LRRC4C: variants seen among roughly 807,000 people sequenced by gnomAD.
LRRC4C encodes the protein leucine rich repeat containing 4C, also known as leucine-rich repeat-containing protein 4C.
A neutral mutation model predicts 33.6 loss-of-function variants in LRRC4C; 5 were observed. The observed-to-expected ratio is 0.15, with a 90% confidence interval of 0.08 to 0.31. LRRC4C has a LOEUF of 0.31. LRRC4C is among the 10% of genes least tolerant of loss of function. The pLI is 1.00. For missense variants in LRRC4C, 560 were observed against 796.7 expected (o/e 0.70, Z 3.58); for synonymous variants, 329 against 302.0 (o/e 1.09, Z -0.93).
chr11:40,161,326 A>G (rs552586044), intron 5 of LRRC4C, among the ~76,000 whole-genome samples: 2 of 152,334 alleles, frequency 1.3e-5, no homozygotes, highest in African/African-American at 2.4e-5. Flanking sequence ...TTTACTTGAG[A>G]CTAGGCCTCC....
intron 1 of LRRC4C, among the ~76,000 whole-genome samples, chr11:41,018,915 A>T (rs1233721559): frequency 6.6e-6 from 1 of 152,090 alleles, no homozygotes; most frequent in Non-Finnish European, 1.5e-5. Flanking sequence ...ATGCTGTAAA[A>T]TTTACCCTTT....
chr11:40,190,862 G>A (rs529309174), intron 5 of LRRC4C, among the ~76,000 whole-genome samples: 5 of 152,222 alleles, frequency 3.3e-5, no homozygotes, highest in East Asian at 1.9e-4. Flanking sequence ...TTTTCTCAAC[G>A]CATTTTCAAA....
At chr11:41,210,821 A>G (rs1372130130) in intron 1 of LRRC4C, among the ~76,000 whole-genome samples, 2 of 152,098 alleles carry the variant, frequency 1.3e-5, no homozygotes, top group African/African-American at 4.8e-5. Flanking sequence ...GGTACCAGGG[A>G]CTGATTTCAG....
At chr11:40,975,031 C>T (rs905105699) in intron 1 of LRRC4C, among the ~76,000 whole-genome samples, 1 of 152,196 alleles carries the variant, frequency 6.6e-6, no homozygotes, top group African/African-American at 2.4e-5. Context: ...CTCCAGCCTG[C>T]AGATGTCCTG....
chr11:40,147,005 A>G (rs961304142), intron 5 of LRRC4C, among the ~76,000 whole-genome samples: 1 of 152,202 alleles, frequency 6.6e-6, no homozygotes, highest in African/African-American at 2.4e-5. Context: ...GGAAGGACCT[A>G]GTCTCCTAGA....
intron 3 of LRRC4C, among the ~76,000 whole-genome samples, chr11:40,609,750 C>A (rs4345953): frequency 2.0e-5 from 3 of 151,862 alleles, no homozygotes; most frequent in Admixed American, 1.3e-4. Context: ...AAGATTATAA[C>A]AGTTTACTAT....
chr11:41,368,692 A>C (rs1468314263), intron 1 of LRRC4C, among the ~76,000 whole-genome samples: 1 of 152,232 alleles, frequency 6.6e-6, no homozygotes, highest in Non-Finnish European at 1.5e-5. Context: ...TAGACAGTTC[A>C]TTCAAAATGT....
At chr11:40,931,725 T>A (rs1194835683) in intron 2 of LRRC4C, among the ~76,000 whole-genome samples, 1 of 152,150 alleles carries the variant, frequency 6.6e-6, no homozygotes, top group African/African-American at 2.4e-5. Context: ...AGTGATTATA[T>A]ATAGTTATGA....
intron 1 of LRRC4C, among the ~76,000 whole-genome samples, chr11:41,112,965 T>C (rs572646213): frequency 7.2e-4 from 109 of 152,190 alleles, no homozygotes; most frequent in African/African-American, 2.5e-3. Context: ...TTAGCGTATA[T>C]TGGGTTAAAG....
intron 1 of LRRC4C, among the ~76,000 whole-genome samples, chr11:40,938,834 G>T (rs10768652): frequency 0.28 from 42,944 of 151,986 alleles, 6,170 homozygotes; most frequent in East Asian, 0.34. Flanking sequence ...TCTCAAACTA[G>T]AAAATGCTAC....
intron 4 of LRRC4C, among the ~76,000 whole-genome samples, chr11:40,255,115 AT>A (rs1867101147): frequency 2.0e-5 from 3 of 152,038 alleles, no homozygotes; most frequent in African/African-American, 7.2e-5. Context: ...AAATGAGTAA[AT>A]TTTCTGATAA....
chr11:40,807,438 C>T (rs781515577), intron 2 of LRRC4C, among the ~76,000 whole-genome samples: 3 of 151,194 alleles, frequency 2.0e-5, no homozygotes, highest in Non-Finnish European at 4.4e-5. Flanking sequence ...ATTTCATCTT[C>T]ACTGATCCCT....
At chr11:40,971,372 G>A (rs1362197836) in intron 1 of LRRC4C, among the ~76,000 whole-genome samples, 2 of 152,306 alleles carry the variant, frequency 1.3e-5, no homozygotes, top group Non-Finnish European at 2.9e-5. Flanking sequence ...TACAGTTTGA[G>A]CTACTGCTTC....
chr11:40,349,754 T>A (rs901783778), intron 3 of LRRC4C, among the ~76,000 whole-genome samples: 1 of 152,208 alleles, frequency 6.6e-6, no homozygotes, highest in Non-Finnish European at 1.5e-5. Flanking sequence ...GTCTTTTGGA[T>A]AAAAGTCCTT....
rs187184325 is a variant in LRRC4C at position 41,274,758 on chromosome 11, C to T, written c.-496+184673G>A. Reference sequence around the variant, plus strand: ...CTTCACAATAAATCTTGCTGCTGCTCACTCTTTGGGTCCATTCCACCTTTA... The same window carrying T: ...CTTCACAATAAATCTTGCTGCTGCTTACTCTTTGGGTCCATTCCACCTTTA... On this transcript the variant is annotated intron_variant, in intron 1 of 6. Transcript: ENST00000528697. 3.3e-3 allele frequency among the ~76,000 whole-genome samples: 498 copies of T among 152,192 alleles called. 2 individuals carry two copies. The highest frequency in any genetic ancestry group is 4.5e-3 in the Non-Finnish European group (309 of 68,006).
chr11:40,668,831 G>A (rs910791385), intron 2 of LRRC4C, among the ~76,000 whole-genome samples: 1 of 152,152 alleles, frequency 6.6e-6, no homozygotes, highest in African/African-American at 2.4e-5. Flanking sequence ...AAGGTACTGT[G>A]GAGAAAGACA....
chr11:41,075,046 GTTTTTTTTTTTTTTTTATTATACTCT>G, intron 1 of LRRC4C, among the ~76,000 whole-genome samples: 1 of 52,700 alleles, frequency 1.9e-5, no homozygotes, highest in Admixed American at 2.6e-4. Flanking sequence ...TATTTTTAAT[GTTTTTTTTTTTTTTTTATTATACTCT>G]AAGTTTTAGG....
intron 3 of LRRC4C, among the ~76,000 whole-genome samples, chr11:40,374,731 G>T (rs1201455384): frequency 6.6e-6 from 1 of 152,044 alleles, no homozygotes; most frequent in Non-Finnish European, 1.5e-5. Flanking sequence ...TCTTCATCTT[G>T]TACAAAATGC....
chr11:40,987,277 CT>C lies in LRRC4C; in HGVS notation c.-495-53555del, dbSNP rs1402267868. On this transcript the variant is annotated intron_variant, in intron 1 of 6. Coordinates refer to ENST00000528697, the MANE Select transcript of LRRC4C (RefSeq NM_001258419.2). ...AGGGAATACCTACAAGTTTGCCAGACTCTTGATATAAACTGGATATTTATTA... is the reference window on the plus strand; with the variant it reads ...AGGGAATACCTACAAGTTTGCCAGACCTTGATATAAACTGGATATTTATTA... 2.6e-5 allele frequency among the ~76,000 whole-genome samples: 4 copies of C among 152,130 alleles called. No homozygotes were observed. In the East Asian group the frequency reaches 5.8e-4, roughly 22 times the overall value.
Sources: gnomAD v4.1 joint callset for allele counts (sites outside exome capture counted in the v4.1 genomes callset) on GRCh38, gnomAD v4.1.1 for gene constraint, MANE v1.5 for transcripts, NCBI Gene and HGNC (gene_info 2026-07-23, HGNC 2026-07-21) for gene names.